The following LRMDA variants were observed in gnomAD, a reference collection of about 807,000 sequenced individuals.
LRMDA encodes leucine rich melanocyte differentiation associated.
In LRMDA, 18 loss-of-function variants were observed where a neutral mutation model predicts 29.8. That is an observed-to-expected ratio of 0.60 (90% CI 0.42 to 0.90). The LOEUF (loss-of-function observed/expected upper bound fraction) is 0.90, where lower values mean the gene tolerates loss of function less well. Among genes scored for constraint, LRMDA ranks in the 40% least tolerant of loss-of-function variants. The probability of loss-of-function intolerance (pLI) is 0.00; values close to 1 mark genes in which losing one functional copy is unlikely to be tolerated. For synonymous variants in LRMDA, 125 were observed against 109.4 expected, an observed-to-expected ratio of 1.14 and a Z score of -0.89; for missense variants, 273 against 273.9, an observed-to-expected ratio of 1.00 and a Z score of 0.02.
At chr10:76,256,963 T>A (rs1271159774) in intron 5 of LRMDA, among the ~76,000 whole-genome samples, 1 of 152,176 alleles carries the variant, frequency 6.6e-6, no homozygotes, top group Non-Finnish European at 1.5e-5. Flanking sequence ...GAAAAATGAT[T>A]GAGAGATAAA....
intron 2 of LRMDA, among the ~76,000 whole-genome samples, chr10:75,558,395 C>T (rs939468472): frequency 6.6e-6 from 1 of 152,070 alleles, no homozygotes; most frequent in Non-Finnish European, 1.5e-5. Flanking sequence ...AATTATTCTT[C>T]AGTGTTTACT....
At chr10:75,938,591 G>C (rs867251498) in intron 2 of LRMDA, among the ~76,000 whole-genome samples, 4 of 152,178 alleles carry the variant, frequency 2.6e-5, no homozygotes, top group Non-Finnish European at 5.9e-5. Context: ...CTGGAACTAC[G>C]AGACAGGATG....
intron 5 of LRMDA, among the ~76,000 whole-genome samples, chr10:76,194,806 C>T (rs1851305182): frequency 6.6e-6 from 1 of 152,150 alleles, no homozygotes; most frequent in Non-Finnish European, 1.5e-5. Context: ...TATCAAAAGG[C>T]CACAAAATAC....
At chr10:75,821,158 A>G (rs770417563) in intron 2 of LRMDA, among the ~76,000 whole-genome samples, 1 of 152,202 alleles carries the variant, frequency 6.6e-6, no homozygotes, top group Non-Finnish European at 1.5e-5. Context: ...TTCCTTACTC[A>G]TTCTATGAAG....
chr10:76,113,341 G>A (rs764273172), intron 5 of LRMDA, among the ~76,000 whole-genome samples: 3 of 152,034 alleles, frequency 2.0e-5, no homozygotes, highest in Non-Finnish European at 4.4e-5. Context: ...GATGCTGAGA[G>A]ACAAGGCATT....
chr10:76,420,466 T>C (rs1842061278), intron 6 of LRMDA, among the ~76,000 whole-genome samples: 1 of 151,994 alleles, frequency 6.6e-6, no homozygotes, highest in African/African-American at 2.4e-5. Flanking sequence ...TCCCAGAAAT[T>C]ATAATTTTAT....
intron 5 of LRMDA, among the ~76,000 whole-genome samples, chr10:76,220,800 C>T (rs1430783539): frequency 7.9e-5 from 12 of 152,122 alleles, no homozygotes; most frequent in African/African-American, 1.2e-4. Context: ...ATACCAAAGC[C>T]GAGCAGAGAC....
At chr10:76,223,622 C>G (rs1851890736) in intron 5 of LRMDA, among the ~76,000 whole-genome samples, 1 of 152,110 alleles carries the variant, frequency 6.6e-6, no homozygotes, top group Admixed American at 6.6e-5. Context: ...TCCCAGAGAG[C>G]TTTCCTGCTC....
chr10:75,973,934 A>G (rs1045616026), intron 2 of LRMDA, among the ~76,000 whole-genome samples: 1 of 152,134 alleles, frequency 6.6e-6, no homozygotes, highest in Non-Finnish European at 1.5e-5. Flanking sequence ...TGACCATGTG[A>G]GCTTGATATA....
chr10:75,799,899 T>G (rs1843719213), intron 2 of LRMDA, among the ~76,000 whole-genome samples: 1 of 152,182 alleles, frequency 6.6e-6, no homozygotes, highest in South Asian at 2.1e-4. Flanking sequence ...TGCCTTATTA[T>G]TCTCACCCCG....
intron 2 of LRMDA, among the ~76,000 whole-genome samples, chr10:75,775,037 A>G (rs1265279870): frequency 6.6e-6 from 1 of 152,204 alleles, no homozygotes; most frequent in African/African-American, 2.4e-5. Flanking sequence ...GTCCTAGTCA[A>G]TTGAAACCAA....
chr10:75,695,833 A>C (rs1204187173), intron 2 of LRMDA, among the ~76,000 whole-genome samples: 1 of 152,122 alleles, frequency 6.6e-6, no homozygotes. Flanking sequence ...CAGCTGAAGT[A>C]TGCTTGCTGT....
intron 2 of LRMDA, among the ~76,000 whole-genome samples, chr10:75,925,088 T>G (rs1438359273): frequency 6.6e-6 from 1 of 152,222 alleles, no homozygotes; most frequent in African/African-American, 2.4e-5. Flanking sequence ...CTCCCAGAGA[T>G]GACACCAATA....
chr10:76,336,886 C>T (rs1840975669), intron 6 of LRMDA, among the ~76,000 whole-genome samples: 1 of 152,132 alleles, frequency 6.6e-6, no homozygotes, highest in African/African-American at 2.4e-5. Context: ...AACCATCCTC[C>T]TACACAAATT....
intron 5 of LRMDA, among the ~76,000 whole-genome samples, chr10:76,143,281 G>T (rs367546548): frequency 6.6e-6 from 1 of 152,194 alleles, no homozygotes; most frequent in Non-Finnish European, 1.5e-5. Flanking sequence ...ACTTCCACAA[G>T]GGTTGAACTA....
chr10:76,081,420 T>C (rs1331412391), intron 5 of LRMDA, among the ~76,000 whole-genome samples: 2 of 152,208 alleles, frequency 1.3e-5, no homozygotes, highest in Non-Finnish European at 2.9e-5. Context: ...ACCACTGCAC[T>C]CCAAGCTGGG....
intron 2 of LRMDA, among the ~76,000 whole-genome samples, chr10:75,640,790 A>G (rs1260091000): frequency 6.6e-6 from 1 of 152,176 alleles, no homozygotes; most frequent in Non-Finnish European, 1.5e-5. Flanking sequence ...TAAACAAAAC[A>G]AAACAAAACA....
At chr10:75,854,200 G>A (rs1450724089) in intron 2 of LRMDA, among the ~76,000 whole-genome samples, 1 of 152,146 alleles carries the variant, frequency 6.6e-6, no homozygotes, top group Non-Finnish European at 1.5e-5. Context: ...GGTTTGTACA[G>A]GATAGGCAAA....
At chr10:75,691,230 G>A (rs1281625220) in intron 2 of LRMDA, among the ~76,000 whole-genome samples, 2 of 137,016 alleles carry the variant, frequency 1.5e-5, no homozygotes, top group African/African-American at 5.9e-5. Context: ...ACACATATAT[G>A]TGTGTGTGTG....
Sources: allele counts gnomAD v4.1 joint callset (sites outside exome capture counted in the v4.1 genomes callset), GRCh38; gene constraint gnomAD v4.1.1; transcripts MANE v1.5; gene names NCBI Gene and HGNC (gene_info 2026-07-23, HGNC 2026-07-21).